MAF: variants seen among roughly 807,000 people sequenced by gnomAD.
MAF encodes the protein MAF bZIP transcription factor.
In MAF, 10 loss-of-function variants were observed where a neutral mutation model predicts 22.0. That is an observed-to-expected ratio of 0.45 (90% CI 0.28 to 0.77). MAF has a LOEUF of 0.77. MAF is among the 30% of genes least tolerant of loss of function. The pLI, the probability that MAF is intolerant of heterozygous loss-of-function variation, is 0.12. For synonymous variants in MAF, 337 were observed against 255.8 expected (o/e 1.32, Z -3.03); for missense variants, 544 against 548.4 (o/e 0.99, Z 0.08).
At chr16:79,351,250 C>T in the MAF span, among the ~76,000 whole-genome samples, 1 of 152,144 alleles carries the variant, frequency 6.6e-6, no homozygotes, top group Non-Finnish European at 1.5e-5. Flanking sequence ...TTGCTCATCC[C>T]TTCCTTGATG....
the MAF span, among the ~76,000 whole-genome samples, chr16:79,355,042 G>A: frequency 0.68 from 102,939 of 151,888 alleles, 36,177 homozygotes; most frequent in East Asian, 0.96. Context: ...TGGCTCAAAT[G>A]TAAAAGATTT....
chr16:79,574,794 T>G, the MAF span, among the ~76,000 whole-genome samples: 1 of 152,112 alleles, frequency 6.6e-6, no homozygotes, highest in Non-Finnish European at 1.5e-5. Flanking sequence ...AGCATTGATG[T>G]CAATGAAGAA....
At chr16:79,525,543 A>G in the MAF span, among the ~76,000 whole-genome samples, 1 of 152,214 alleles carries the variant, frequency 6.6e-6, no homozygotes, top group African/African-American at 2.4e-5. Flanking sequence ...AGAGAGAGGA[A>G]AAAGAGTAAG....
chr16:79,583,809 G>C (rs1231385201), downstream of MAF, among the ~76,000 whole-genome samples: 1 of 152,154 alleles, frequency 6.6e-6, no homozygotes, highest in Admixed American at 6.5e-5. Context: ...GGCAAAGATG[G>C]TACCATGGAA....
chr16:79,262,741 C>T, the MAF span, among the ~76,000 whole-genome samples: 8 of 152,178 alleles, frequency 5.3e-5, no homozygotes, highest in Non-Finnish European at 1.2e-4. Context: ...ATGCTTGCAC[C>T]ATCCAGAGCC....
At chr16:79,533,894 A>G in the MAF span, among the ~76,000 whole-genome samples, 5 of 152,216 alleles carry the variant, frequency 3.3e-5, no homozygotes, top group African/African-American at 1.2e-4. Flanking sequence ...ATGTCAGTGC[A>G]CTAAGCAAGG....
chr16:79,218,739 T>A, the MAF span, among the ~76,000 whole-genome samples: 1 of 152,226 alleles, frequency 6.6e-6, no homozygotes, highest in African/African-American at 2.4e-5. Flanking sequence ...CATGTTTAAT[T>A]AGAGTGGAAA....
the MAF span, among the ~76,000 whole-genome samples, chr16:79,276,546 A>C: frequency 6.6e-6 from 1 of 152,198 alleles, no homozygotes; most frequent in African/African-American, 2.4e-5. Flanking sequence ...ATTTGGGTGG[A>C]AACCAAACCA....
chr16:79,530,109 G>C, the MAF span, among the ~76,000 whole-genome samples: 5 of 152,198 alleles, frequency 3.3e-5, no homozygotes, highest in South Asian at 1.0e-3. Flanking sequence ...GGCCAAACAA[G>C]TGAATTAGTA....
the MAF span, among the ~76,000 whole-genome samples, chr16:79,294,537 A>G: frequency 6.6e-6 from 1 of 152,264 alleles, no homozygotes; most frequent in Middle Eastern, 3.4e-3. Context: ...TCTTGGAATT[A>G]ATTGTTACCG....
chr16:79,226,029 G>A, the MAF span, among the ~76,000 whole-genome samples: 5 of 152,140 alleles, frequency 3.3e-5, no homozygotes, highest in African/African-American at 7.2e-5. Context: ...CCATTACTGG[G>A]TATATACCCA....
At chr16:79,424,951 A>C in the MAF span, among the ~76,000 whole-genome samples, 1 of 152,178 alleles carries the variant, frequency 6.6e-6, no homozygotes, top group South Asian at 2.1e-4. Context: ...ATCATATGCC[A>C]CCACCCAGAA....
the MAF span, among the ~76,000 whole-genome samples, chr16:79,407,082 T>C: frequency 1.3e-5 from 2 of 152,186 alleles, no homozygotes; most frequent in African/African-American, 2.4e-5. Context: ...ATATGCGAGG[T>C]TGGCACCAGG....
At chr16:79,211,668 G>C in the MAF span, 1 of 1,614,212 alleles carries the variant, frequency 6.2e-7, no homozygotes, top group Non-Finnish European at 8.5e-7. Flanking sequence ...GGGTCTGGGA[G>C]GGATGTACTT....
At chr16:79,571,551 T>TG in the MAF span, among the ~76,000 whole-genome samples, 1 of 144,084 alleles carries the variant, frequency 6.9e-6, no homozygotes, top group Non-Finnish European at 1.6e-5. Flanking sequence ...TTTTTTTTTT[T>TG]TTTACAAATG....
the MAF span, among the ~76,000 whole-genome samples, chr16:79,246,933 A>T: frequency 6.6e-6 from 1 of 152,206 alleles, no homozygotes; most frequent in Non-Finnish European, 1.5e-5. Context: ...TCCTGTTCTA[A>T]TGGAACTCCC....
the MAF span, among the ~76,000 whole-genome samples, chr16:79,411,407 A>C: frequency 0.64 from 96,852 of 152,016 alleles, 31,850 homozygotes; most frequent in East Asian, 0.9. Context: ...CCATCCCCTG[A>C]ACCTTTTATT....
At chr16:79,211,831 C>G in the MAF span, 1 of 1,612,888 alleles carries the variant, frequency 6.2e-7, no homozygotes, top group Admixed American at 1.7e-5. Flanking sequence ...ACACACCCGC[C>G]CTGTGTGTGT....
At chr16:79,346,749 A>C in the MAF span, among the ~76,000 whole-genome samples, 3 of 152,242 alleles carry the variant, frequency 2.0e-5, no homozygotes, top group East Asian at 5.8e-4. Flanking sequence ...ATGGAGACTG[A>C]AAACAACAAG....
Sources: allele counts gnomAD v4.1 joint callset (sites outside exome capture counted in the v4.1 genomes callset), GRCh38; gene constraint gnomAD v4.1.1; transcripts MANE v1.5; gene names NCBI Gene and HGNC (gene_info 2026-07-23, HGNC 2026-07-21).